MFSD12: variants seen among roughly 807,000 people sequenced by gnomAD.
The protein encoded by MFSD12 is major facilitator superfamily domain-containing protein 12.
Under a neutral mutation model 51.2 loss-of-function variants are expected in MFSD12, and 67 were observed. The ratio of observed to expected loss-of-function variants is 1.31; its 90% CI spans 1.08 to 1.60. MFSD12 has a LOEUF of 1.60. MFSD12 is among the 40% of genes most tolerant of loss of function. MFSD12 has a pLI of 0.00. For synonymous variants in MFSD12, 441 were observed against 316.7 expected, an observed-to-expected ratio of 1.39 and a Z score of -4.17; for missense variants, 921 against 673.0, an observed-to-expected ratio of 1.37 and a Z score of -4.08.
intron 1 of MFSD12, among the ~76,000 whole-genome samples, chr19:3,553,473 GAA>G (rs59871101): frequency 7.1e-6 from 1 of 140,660 alleles, no homozygotes; most frequent in Admixed American, 7.1e-5. Flanking sequence ...ACCCTGTCAA[GAA>G]AAAAAAAAAA....
At chr19:3,543,035 A>G (rs1599813109), downstream of MFSD12, 1 of 1,605,584 alleles carries the variant, frequency 6.2e-7, no homozygotes, top group Non-Finnish European at 8.5e-7. Flanking sequence ...GTGTGGGGAG[A>G]GGGGGAGTCA....
rs1288175248 is a variant in MFSD12 at position 3,546,307 on chromosome 19, G to C, written c.1142C>G (p.Thr381Ser). ...AAVLLGAGCA[T>S]ILVTSLAMTA... ...CATGGCCAGCGAGGTGACGAGGATG[G>C]TGGCACAGCCAGCACCCAGCAGCAC... The change falls in exon 7 of 10, where the codon ACC (threonine) becomes AGC (serine). Residue 381 changes from threonine (T) to serine (S), a missense_variant. By Grantham distance (58) the Thr-to-Ser change is moderately conservative. Transcript: ENST00000355415. The C allele has an allele frequency of 1.2e-6, 2 of 1,609,976 alleles. No individual in the cohort carries two copies. The highest frequency in any genetic ancestry group is 2.2e-5 in the East Asian group (1 of 44,758).
In MFSD12 at chr19:3,547,991, A is replaced by C; in HGVS notation, c.694T>G (p.Ser232Ala). Residue 232 changes from serine to alanine, a missense_variant, in exon 4 of 10, where the codon TCA (serine) becomes GCA (alanine). By Grantham distance (99) the Ser-to-Ala change is moderately conservative. Transcript: ENST00000355415. ...CGGGTGCCCAGGTGGAATAGCAGTG[A>C]GAACACGGCGCCGACACCCACCACC... ...LLVVGVGAVF[S>A]LLFHLGTRER... The C allele has an allele frequency of 1.9e-6, 3 of 1,598,988 alleles. No homozygotes were observed. Among genetic ancestry groups the C allele is most frequent in the Non-Finnish European group, 2.5e-6 (3 of 1,179,304 alleles).
chr19:3,557,018 C>G, intron 1 of MFSD12, 88 bp downstream of exon 1: 4 of 1,064,978 alleles, frequency 3.8e-6, no homozygotes, highest in Non-Finnish European at 4.7e-6. Flanking sequence ...GGCAGGCAGA[C>G]GGCGGGTGGT....
At chr19:3,539,659 T>C (rs1342096820), downstream of MFSD12, 2 of 198,870 alleles carry the variant, frequency 1.0e-5, no homozygotes, top group Non-Finnish European at 2.0e-5. Context: ...GCCCCCGGTC[T>C]CTGCTTCTGT....
chr19:3,557,045 G>A, intron 1 of MFSD12, 61 bp downstream of exon 1: 1 of 1,386,460 alleles, frequency 7.2e-7, no homozygotes, highest in Non-Finnish European at 9.3e-7. Flanking sequence ...GAGGGAGGAG[G>A]CGCCCGGGTC....
At position 3,548,264 on chromosome 19, in the gene MFSD12, A is replaced by G; in HGVS notation, c.513T>C (p.Tyr171=). The G allele has an allele frequency of 6.5e-7, 1 of 1,548,616 alleles. No homozygotes were observed. The highest frequency in any genetic ancestry group is 8.7e-7 in the Non-Finnish European group (1 of 1,147,410). Residue 171 remains tyrosine, a synonymous_variant, in exon 3 of 10, where the codon TAT becomes TAC. Coordinates refer to ENST00000355415, the MANE Select transcript of MFSD12 (RefSeq NM_174983.5). ...HEKVELTALR[Y]AFTVVANITV... is the part of the protein sequence containing the mutation. Reference sequence around the variant, plus strand: ...TGATGTTGGCCACCACGGTGAACGCATACCTGGCGGGCAGGCGGGCAGGGA... The same window carrying G: ...TGATGTTGGCCACCACGGTGAACGCGTACCTGGCGGGCAGGCGGGCAGGGA...
intron 1 of MFSD12, 151 bp downstream of exon 1, chr19:3,556,955 C>A (rs1023775620): frequency 5.4e-6 from 4 of 747,614 alleles, no homozygotes; most frequent in South Asian, 2.1e-5. Flanking sequence ...ACAGACAGTG[C>A]AGGGAAGCTC....
At chr19:3,552,595 C>G (rs1392161896) in intron 1 of MFSD12, among the ~76,000 whole-genome samples, 4 of 151,274 alleles carry the variant, frequency 2.6e-5, no homozygotes, top group Non-Finnish European at 4.4e-5. Context: ...CCACCTCAGC[C>G]TCCCGTGTAG....
rs1356712045 is a variant in MFSD12 at position 3,551,144 on chromosome 19, C to A, written c.349G>T (p.Gly117Cys). Reference protein sequence around the residue: ...SFPFIFSPCLGCGAATPEWAA... With the variant: ...SFPFIFSPCLCCGAATPEWAA... ...CACTCGGGCGTGGCCGCCCCACAGC[C>A]CAGGCAGGGGCTGAAGATGAAGGGG... Residue 117 changes from glycine to cysteine, a missense_variant, in exon 2 of 10, where the codon GGC becomes TGC. Coordinates refer to ENST00000355415, the MANE Select transcript of MFSD12 (RefSeq NM_174983.5). The surrounding 1 kb of genome is among the most constrained non-coding windows in gnomAD (Gnocchi z 4.6). 1.2e-6 allele frequency: 2 copies of A among 1,612,754 alleles called. No individual in the cohort carries two copies. The highest frequency in any genetic ancestry group is 2.2e-5 in the South Asian group (2 of 91,052).
At chr19:3,542,073 G>A (rs766181044), downstream of MFSD12, 6 of 961,592 alleles carry the variant, frequency 6.2e-6, no homozygotes, top group Non-Finnish European at 7.4e-6. Context: ...GCCTCCCAAA[G>A]TGCTGGGATT....
chr19:3,545,928 G>T (rs773522102), intron 8 of MFSD12, 146 bp downstream of exon 8: 18 of 771,406 alleles, frequency 2.3e-5, no homozygotes, highest in Non-Finnish European at 3.7e-5. Context: ...AGAAAGGAAA[G>T]GTCTCCCCTG....
downstream of MFSD12, chr19:3,541,838 TC>T: frequency 1.0e-6 from 1 of 973,494 alleles, no homozygotes; most frequent in Non-Finnish European, 1.2e-6. Context: ...AGACAGAGTC[TC>T]GCTCTCTCAC....
intron 1 of MFSD12, among the ~76,000 whole-genome samples, chr19:3,553,282 G>T (rs536165800): frequency 6.1e-4 from 93 of 152,184 alleles, no homozygotes; most frequent in Admixed American, 9.8e-4. Context: ...TCGGGCAAGT[G>T]ACTGTGCCTC....
rs545176201 is a variant in MFSD12, at chr19:3,552,681, C to T, written c.299-1487G>A. Among the ~76,000 whole-genome samples the T allele has an allele frequency of 3.3e-5, 5 of 152,042 alleles. No individual in the cohort carries two copies. In the South Asian group the frequency reaches 1.0e-3, roughly 32 times the overall value. Reference sequence around the variant, plus strand: ...TGTATTTTTGGTAGGGATGGGGTTTCACCACGTTGGCCAGGCTGAAGTCGA... The same window carrying T: ...TGTATTTTTGGTAGGGATGGGGTTTTACCACGTTGGCCAGGCTGAAGTCGA... On this transcript the variant is annotated intron_variant, in intron 1 of 9. Transcript: ENST00000355415.
At chr19:3,547,787 A>T in intron 4 of MFSD12, 61 bp downstream of exon 4, 1 of 1,445,968 alleles carries the variant, frequency 6.9e-7, no homozygotes, top group Non-Finnish European at 9.1e-7. Flanking sequence ...TGCCCCACAG[A>T]GCAAAGGCCC....
At position 3,547,922 on chromosome 19, in the gene MFSD12, G is replaced by T; in HGVS notation, c.763C>A (p.Pro255Thr). ...PHAEEPGEHT[P>T]LLAPATAQPL... ...TGGGCCGTGGCAGGGGCCAACAGGG[G>T]GGTGTGCTCGCCTGGCTCCTCCGCA... The change falls in exon 4 of 10, where the codon CCC becomes ACC. Residue 255 changes from proline (P) to threonine (T), a missense_variant. Coordinates refer to ENST00000355415, the MANE Select transcript of MFSD12 (RefSeq NM_174983.5). 2 of 1,583,870 alleles carry T rather than the reference G, an allele frequency of 1.3e-6. No homozygotes were observed. Among genetic ancestry groups the T allele is most frequent in the South Asian group, 1.1e-5 (1 of 87,978 alleles).
In MFSD12 at chr19:3,546,178, C is replaced by G; in HGVS notation, c.1195-10G>C. The G allele has an allele frequency of 6.2e-7, 1 of 1,612,362 alleles. No individual in the cohort carries two copies. The highest frequency in any genetic ancestry group is 8.5e-7 in the Non-Finnish European group (1 of 1,179,434). The stretch of plus-strand genomic sequence containing the variant: ...CGAACGCTCCGCTGTTCTGTGGAGA[C>G]ACAGGCGAGGTGGTCAGCGTGCACC... On this transcript the variant is annotated splice_polypyrimidine_tract_variant and intron_variant, in intron 7 of 9. Coordinates refer to ENST00000355415, the MANE Select transcript of MFSD12 (RefSeq NM_174983.5).
chr19:3,545,064 C>G (rs575950329), intron 8 of MFSD12, 125 bp from the exon 9 acceptor site: 1 of 1,262,362 alleles, frequency 7.9e-7, no homozygotes, highest in Non-Finnish European at 1.1e-6. Context: ...AGCTGGGGGC[C>G]CTGCCACTCC....
Sources: allele counts gnomAD v4.1 joint callset (sites outside exome capture counted in the v4.1 genomes callset), GRCh38; gene constraint gnomAD v4.1.1; non-coding constraint Gnocchi (gnomAD v3.1); transcripts MANE v1.5; gene names NCBI Gene and HGNC (gene_info 2026-07-23, HGNC 2026-07-21).